Variants in GABRB2 observed in about 807,000 individuals in gnomAD.
GABRB2 encodes the protein gamma-aminobutyric acid type A receptor subunit beta2.
In GABRB2, 16 loss-of-function variants were observed where a neutral mutation model predicts 54.7. The ratio of observed to expected loss-of-function variants is 0.29; its 90% CI spans 0.20 to 0.44. GABRB2 has a LOEUF of 0.44. Ranked by LOEUF, GABRB2 falls within the 20% of genes least tolerant of loss-of-function variation. GABRB2 has a pLI of 1.00. For missense variants in GABRB2, 355 were observed against 644.0 expected (o/e 0.55, Z 4.86); for synonymous variants, 244 against 233.8 (o/e 1.04, Z -0.40).
intron 3 of GABRB2, among the ~76,000 whole-genome samples, chr5:161,476,702 C>T (rs183036083): frequency 6.8e-4 from 104 of 151,852 alleles, no homozygotes; most frequent in Non-Finnish European, 9.1e-4. Flanking sequence ...GAGACAGTGT[C>T]TTCAACAAAT....
At chr5:161,410,907 G>T in intron 5 of GABRB2, 68 bp downstream of exon 5, 1 of 1,211,888 alleles carries the variant, frequency 8.3e-7, no homozygotes, top group Non-Finnish European at 1.2e-6. Context: ...CATGAGCCAG[G>T]ACTGGAGGCC....
intron 3 of GABRB2, among the ~76,000 whole-genome samples, chr5:161,468,030 G>A (rs1011788466): frequency 6.6e-6 from 1 of 152,020 alleles, no homozygotes; most frequent in African/African-American, 2.4e-5. Context: ...AGTTTTGACA[G>A]CTTTATTTCC....
At chr5:161,516,461 CCTT>C (rs1759951578) in intron 3 of GABRB2, among the ~76,000 whole-genome samples, 1 of 152,032 alleles carries the variant, frequency 6.6e-6, no homozygotes, top group Non-Finnish European at 1.5e-5. Flanking sequence ...GCAGGTTACT[CCTT>C]CTATGCCCGT....
chr5:161,366,393 A>T (rs1449380781), intron 5 of GABRB2, among the ~76,000 whole-genome samples: 1 of 152,138 alleles, frequency 6.6e-6, no homozygotes, highest in East Asian at 1.9e-4. Flanking sequence ...CCACATTTGG[A>T]TACTTGAATC....
upstream of GABRB2, chr5:161,546,783 C>A: frequency 2.1e-6 from 3 of 1,447,220 alleles, no homozygotes; most frequent in South Asian, 1.4e-5. Context: ...CTGCCGGGGA[C>A]CGAGCAGATT....
intron 5 of GABRB2, among the ~76,000 whole-genome samples, chr5:161,338,225 C>T (rs1754048147): frequency 6.6e-6 from 1 of 152,112 alleles, no homozygotes. Context: ...TCCCTTTATT[C>T]ATAAGAGTAG....
intron 5 of GABRB2, among the ~76,000 whole-genome samples, chr5:161,393,337 A>G (rs1246235207): frequency 1.9e-5 from 1 of 53,954 alleles, no homozygotes. Flanking sequence ...AAAAAAAAAA[A>G]AAAAAAAAGC....
At chr5:161,474,382 C>T (rs991278023) in intron 3 of GABRB2, among the ~76,000 whole-genome samples, 1 of 151,932 alleles carries the variant, frequency 6.6e-6, no homozygotes, top group African/African-American at 2.4e-5. Context: ...TCTCCCTTTC[C>T]TATGTTTCCC....
intron 8 of GABRB2, among the ~76,000 whole-genome samples, chr5:161,328,699 T>C (rs115141485): frequency 1.6e-3 from 238 of 152,326 alleles, no homozygotes; most frequent in African/African-American, 5.6e-3. Context: ...ATTTTTTCAG[T>C]ACCTCAGTTT....
intron 5 of GABRB2, among the ~76,000 whole-genome samples, chr5:161,393,387 C>G (rs1277431873): frequency 7.4e-6 from 1 of 135,376 alleles, no homozygotes; most frequent in Non-Finnish European, 1.5e-5. Flanking sequence ...ACAAAAAGGC[C>G]ACGGGCTGGA....
At chr5:161,416,437 C>T (rs779956050) in intron 4 of GABRB2, among the ~76,000 whole-genome samples, 4 of 152,044 alleles carry the variant, frequency 2.6e-5, no homozygotes, top group South Asian at 2.1e-4. Context: ...TGTGACTAAA[C>T]ATGTGAGAAT....
intron 3 of GABRB2, among the ~76,000 whole-genome samples, chr5:161,488,005 T>C (rs946179101): frequency 1.3e-5 from 2 of 151,876 alleles, no homozygotes; most frequent in African/African-American, 4.8e-5. Context: ...TCCATCTCTA[T>C]TAAAATACAG....
At chr5:161,463,444 G>T (rs1432122543) in intron 3 of GABRB2, among the ~76,000 whole-genome samples, 1 of 149,658 alleles carries the variant, frequency 6.7e-6, no homozygotes, top group Non-Finnish European at 1.5e-5. Context: ...CTCTAAATTG[G>T]TCTACAGATG....
chr5:161,317,471 A>G (rs1016038093), intron 9 of GABRB2, among the ~76,000 whole-genome samples: 1 of 152,224 alleles, frequency 6.6e-6, no homozygotes, highest in African/African-American at 2.4e-5. Flanking sequence ...GGAAAAATAT[A>G]AAGTTGATCA....
chr5:161,318,933 T>C (rs1047239148), intron 9 of GABRB2, among the ~76,000 whole-genome samples: 14 of 152,064 alleles, frequency 9.2e-5, no homozygotes, highest in Admixed American at 6.5e-4. Context: ...ATTTTTGTTA[T>C]TGTTTATATA....
chr5:161,388,581 ATAAT>A (rs1339896049), intron 5 of GABRB2, among the ~76,000 whole-genome samples: 3 of 152,046 alleles, frequency 2.0e-5, no homozygotes, highest in Admixed American at 6.6e-5. Context: ...AATGCCTTTT[ATAAT>A]TAAAGAATAA....
intron 9 of GABRB2, among the ~76,000 whole-genome samples, chr5:161,316,467 G>GC (rs1758031884): frequency 6.6e-6 from 1 of 152,180 alleles, no homozygotes; most frequent in African/African-American, 2.4e-5. Flanking sequence ...TACACCCAAG[G>GC]CAGGGCAGTT....
chr5:161,506,824 G>A (rs1300747900), intron 3 of GABRB2, among the ~76,000 whole-genome samples: 2 of 151,908 alleles, frequency 1.3e-5, no homozygotes, highest in African/African-American at 2.4e-5. Context: ...AGACACCAAA[G>A]CAATACAATG....
chr5:161,456,701 T>C (rs1451049945), intron 4 of GABRB2, among the ~76,000 whole-genome samples: 1 of 152,182 alleles, frequency 6.6e-6, no homozygotes, highest in Non-Finnish European at 1.5e-5. Flanking sequence ...ATAATATATG[T>C]AAAGTTCTGG....
Sources: allele counts gnomAD v4.1 joint callset (sites outside exome capture counted in the v4.1 genomes callset), GRCh38; gene constraint gnomAD v4.1.1; transcripts MANE v1.5; gene names NCBI Gene and HGNC (gene_info 2026-07-23, HGNC 2026-07-21).